The following FHIP2A variants were observed in gnomAD, a reference collection of about 807,000 sequenced individuals.
The protein encoded by FHIP2A is FHF complex subunit HOOK interacting protein 2A, also known as family with sequence similarity 160 member B1.
In FHIP2A, 46 loss-of-function variants were observed where a neutral mutation model predicts 93.5. That is an observed-to-expected ratio of 0.49 (90% CI 0.39 to 0.63). The LOEUF is 0.63. Ranked by LOEUF, FHIP2A falls within the 20% of genes least tolerant of loss-of-function variation. The pLI, the probability that FHIP2A is intolerant of heterozygous loss-of-function variation, is 0.00. For synonymous variants in FHIP2A, 332 were observed against 326.5 expected (o/e 1.02, Z -0.18); for missense variants, 769 against 909.7 (o/e 0.85, Z 1.99).
intron 5 of FHIP2A, among the ~76,000 whole-genome samples, chr10:114,836,669 T>C (rs925958510): frequency 6.6e-6 from 1 of 152,214 alleles, no homozygotes; most frequent in Non-Finnish European, 1.5e-5. Flanking sequence ...TCCATCCTCA[T>C]AGCAGTTGGG....
At chr10:114,859,234 G>A (rs1340643770) in intron 14 of FHIP2A, among the ~76,000 whole-genome samples, 1 of 152,178 alleles carries the variant, frequency 6.6e-6, no homozygotes, top group Non-Finnish European at 1.5e-5. Context: ...TACAGCATAG[G>A]ACTTGAGAGT....
chr10:114,898,703 TTC>T, intron 16 of FHIP2A, among the ~76,000 whole-genome samples: 1 of 152,342 alleles, frequency 6.6e-6, no homozygotes, highest in African/African-American at 2.4e-5. Context: ...CTGATGGTAT[TTC>T]TCTCTCCTGA....
chr10:114,875,128 C>A (rs2083878108), intron 16 of FHIP2A, among the ~76,000 whole-genome samples: 1 of 152,164 alleles, frequency 6.6e-6, no homozygotes, highest in African/African-American at 2.4e-5. Flanking sequence ...CGCTCTGCAG[C>A]CCTGGATGGG....
chr10:114,862,028 TG>T lies in FHIP2A; in HGVS notation c.*489del, dbSNP rs2083803205. 15 of 968,662 alleles carry T rather than the reference TG, an allele frequency of 1.5e-5. No individual in the cohort carries two copies. The South Asian group carries it at 6.7e-4, about 43-fold the overall frequency. 60.0% of individuals were successfully genotyped at this position (968,662 alleles called of 1,614,324 possible). A position where few individuals can be genotyped will look rare whatever the true frequency, so the allele number is the denominator to read the frequency against. ...TCAAACAAAATATGAAAACTGTAAATGAGAAAAAAATACAATTCAGAAACCA... is the reference window on the plus strand; with the variant it reads ...TCAAACAAAATATGAAAACTGTAAATAGAAAAAAATACAATTCAGAAACCA... On this transcript the variant is annotated 3_prime_UTR_variant, in exon 17 of 17. Transcript: ENST00000369248.
intron 3 of FHIP2A, among the ~76,000 whole-genome samples, chr10:114,834,592 C>T (rs1473478226): frequency 6.6e-6 from 1 of 152,136 alleles, no homozygotes; most frequent in Middle Eastern, 3.2e-3. Flanking sequence ...GCAGTATAAG[C>T]AGCTTAATTA....
intron 14 of FHIP2A, among the ~76,000 whole-genome samples, chr10:114,857,800 T>C (rs2083775895): frequency 6.6e-6 from 1 of 152,202 alleles, no homozygotes; most frequent in African/African-American, 2.4e-5. Context: ...ACTATTGTGT[T>C]ATCACAATGC....
At chr10:114,830,976 CAG>C (rs2083604544) in intron 2 of FHIP2A, 46 bp downstream of exon 2, 1 of 1,192,924 alleles carries the variant, frequency 8.4e-7, no homozygotes. Context: ...GAAAGTTAAA[CAG>C]AAAATTTGTG....
At chr10:114,889,183 G>A (rs1271351506) in intron 16 of FHIP2A, among the ~76,000 whole-genome samples, 8 of 152,084 alleles carry the variant, frequency 5.3e-5, no homozygotes, top group Non-Finnish European at 1.2e-4. Context: ...TGTGTGGGTG[G>A]AGAATGGATG....
At position 114,864,043 on chromosome 10, in the gene FHIP2A, G is replaced by A; in HGVS notation, c.*2503G>A. The A allele has an allele frequency of 1.0e-6, 1 of 992,928 alleles. No homozygotes were observed. Among genetic ancestry groups the A allele is most frequent in the Non-Finnish European group, 1.2e-6 (1 of 834,750 alleles). 61.5% of individuals were successfully genotyped at this position (992,928 alleles called of 1,614,324 possible). A position where few individuals can be genotyped will look rare whatever the true frequency, so the allele number is the denominator to read the frequency against. On this transcript the variant is annotated 3_prime_UTR_variant, in exon 17 of 17. Transcript: ENST00000369248. ...TAACTTTCTCGTAATGTATCTGTTT[G>A]TGCAATATGGAAGCTGTGAGTGGAT... is the stretch of plus-strand genomic sequence containing the variant.
chr10:114,853,818 G>A (rs1002435463), intron 13 of FHIP2A, among the ~76,000 whole-genome samples: 13 of 152,094 alleles, frequency 8.5e-5, no homozygotes, highest in Non-Finnish European at 1.5e-4. Context: ...GGCCAACATG[G>A]TGAAACCCCA....
chr10:114,875,686 T>C (rs2083881613), intron 16 of FHIP2A, among the ~76,000 whole-genome samples: 1 of 141,510 alleles, frequency 7.1e-6, no homozygotes, highest in Non-Finnish European at 1.5e-5. Flanking sequence ...TGAGCGAGAC[T>C]CTGTCGAAAG....
intron 5 of FHIP2A, among the ~76,000 whole-genome samples, chr10:114,840,224 A>G (rs2083661419): frequency 1.3e-5 from 2 of 152,338 alleles, no homozygotes; most frequent in South Asian, 4.1e-4. Context: ...CCTCATCTCT[A>G]TAAAAAATAA....
chr10:114,851,559 C>T (rs2083736186), intron 13 of FHIP2A, among the ~76,000 whole-genome samples: 1 of 151,700 alleles, frequency 6.6e-6, no homozygotes, highest in African/African-American at 2.4e-5. Context: ...TGTCCTTATC[C>T]CAGCACCACC....
rs139079473 is a variant in FHIP2A at position 114,826,765 on chromosome 10, G to A, written c.46-4087G>A. Among the ~76,000 whole-genome samples the A allele has an allele frequency of 3.6e-4, 55 of 152,190 alleles. No homozygotes were observed. In the East Asian group the frequency reaches 7.5e-3, roughly 21 times the overall value. On this transcript the variant is annotated intron_variant, in intron 1 of 16. Transcript: ENST00000369248. ...TGCCAGCACTTTGGGAGGCCGAGGCGGACGGATCACCTGAGGTCAGGAGTT... is the reference window on the plus strand; with the variant it reads ...TGCCAGCACTTTGGGAGGCCGAGGCAGACGGATCACCTGAGGTCAGGAGTT...
intron 16 of FHIP2A, among the ~76,000 whole-genome samples, chr10:114,888,883 G>A (rs957796902): frequency 6.6e-6 from 1 of 152,188 alleles, no homozygotes; most frequent in Non-Finnish European, 1.5e-5. Context: ...GATTAAAGGT[G>A]TGAGCCACCG....
chr10:114,875,772 AGAG>A (rs2083882681), intron 16 of FHIP2A, among the ~76,000 whole-genome samples: 2 of 151,022 alleles, frequency 1.3e-5, no homozygotes, highest in South Asian at 4.2e-4. Context: ...GAAAGAGAAA[AGAG>A]AGAGAGAAAG....
At chr10:114,865,807 CA>C (rs59793424), downstream of FHIP2A, among the ~76,000 whole-genome samples, 366 of 141,490 alleles carry the variant, frequency 2.6e-3, 1 homozygote, top group East Asian at 7.6e-3. Flanking sequence ...TACCTCTTTT[CA>C]AAAAAAAAAA....
intron 16 of FHIP2A, among the ~76,000 whole-genome samples, chr10:114,874,766 A>C (rs1459272860): frequency 3.3e-5 from 5 of 152,150 alleles, no homozygotes; most frequent in African/African-American, 1.2e-4. Flanking sequence ...TGCCTCCCAA[A>C]GTTCTGGGAT....
At chr10:114,875,398 A>G (rs2083879767) in intron 16 of FHIP2A, among the ~76,000 whole-genome samples, 1 of 152,192 alleles carries the variant, frequency 6.6e-6, no homozygotes, top group African/African-American at 2.4e-5. Context: ...TGGAGAAGTA[A>G]GAAAGGAACA....
Sources: allele counts gnomAD v4.1 joint callset (sites outside exome capture counted in the v4.1 genomes callset), GRCh38; gene constraint gnomAD v4.1.1; transcripts MANE v1.5; gene names NCBI Gene and HGNC (gene_info 2026-07-23, HGNC 2026-07-21).